Variants in RHBDD3 observed in about 807,000 individuals in gnomAD.
RHBDD3 encodes the protein rhomboid domain containing 3.
RHBDD3 carries 34 observed loss-of-function variants against 32.3 expected under a neutral mutation model. The ratio of observed to expected loss-of-function variants is 1.05; its 90% CI spans 0.80 to 1.40. The LOEUF (loss-of-function observed/expected upper bound fraction) is 1.40, where lower values mean the gene tolerates loss of function less well. RHBDD3 is among the 40% of genes most tolerant of loss of function. RHBDD3 has a pLI of 0.00. For missense variants in RHBDD3, 482 were observed against 492.6 expected (o/e 0.98, Z 0.20); for synonymous variants, 249 against 239.1 (o/e 1.04, Z -0.38).
intron 4 of RHBDD3, 30 bp downstream of exon 4, chr22:29,263,805 C>A: frequency 6.7e-7 from 1 of 1,488,228 alleles, no homozygotes. Context: ...CCACACATCC[C>A]CACGGGCCCT....
rs562106121 is a variant in RHBDD3, at chr22:29,262,602, A to G, written c.532+1233T>C. ...AACAACAAAGACAGCTGAGATTTTG[A>G]TAAGAATTGTGTGGGATCTATAAAT... On this transcript the variant is annotated intron_variant, in intron 4 of 6. Transcript: ENST00000216085. Among the ~76,000 whole-genome samples the G allele has an allele frequency of 4.6e-5, 7 of 152,366 alleles. No homozygotes were observed. The East Asian group carries it at 1.2e-3, about 25-fold the overall frequency.
At position 29,262,872 on chromosome 22, in the gene RHBDD3, A is replaced by G. The variant is rs189824531; in HGVS notation, c.532+963T>C. ...CAGGCGCCTGCCACCACGCCTGGCT[A>G]ATTTTTGTTTTTTGGGGTTTGAGAC... On this transcript the variant is annotated intron_variant, in intron 4 of 6. Transcript: ENST00000216085. 6.0e-5 allele frequency among the ~76,000 whole-genome samples: 9 copies of G among 151,240 alleles called. No homozygotes were observed. The East Asian group carries it at 1.8e-3, about 29-fold the overall frequency.
intron 5 of RHBDD3, 21 bp from the exon 6 acceptor site, chr22:29,260,634 G>A (rs1485065719): frequency 1.9e-6 from 3 of 1,572,072 alleles, no homozygotes; most frequent in Non-Finnish European, 2.6e-6. Flanking sequence ...GGGAAGAGAA[G>A]AGGGCCTGAC....
At chr22:29,261,030 T>A (rs760847359) in intron 4 of RHBDD3, 166 bp from the exon 5 acceptor site, 11 of 730,980 alleles carry the variant, frequency 1.5e-5, no homozygotes, top group Non-Finnish European at 2.2e-5. Flanking sequence ...CAGCAGAGGC[T>A]CAGAAAGGAA....
Position 29,260,779 on chromosome 22 carries a change from C to A in RHBDD3, c.618G>T (p.Ala206=), listed in dbSNP as rs562957768. The part of the protein sequence containing the change: ...LQEGVLCRTL[A]GCWPLRLLAT... ...CAAGGAGCCTCAGGGGCCAGCACCC[C>A]GCCAAGGTCCTGCACAAGACGCCCT... is the stretch of plus-strand genomic sequence containing the variant. Residue 206 remains alanine, a synonymous_variant, in exon 5 of 7, where the codon GCG becomes GCT. Transcript: ENST00000216085. 1 of 1,602,792 alleles carries A rather than the reference C, an allele frequency of 6.2e-7. No homozygotes were observed. Among genetic ancestry groups the A allele is most frequent in the East Asian group, 2.3e-5 (1 of 44,302 alleles).
chr22:29,263,383 T>C (rs1432973556), intron 4 of RHBDD3, among the ~76,000 whole-genome samples: 1 of 152,218 alleles, frequency 6.6e-6, no homozygotes, highest in African/African-American at 2.4e-5. Flanking sequence ...TTCACCATGT[T>C]GGCCAGGCTG....
intron 2 of RHBDD3, among the ~76,000 whole-genome samples, chr22:29,265,880 G>A (rs1416723459): frequency 6.6e-6 from 1 of 152,086 alleles, no homozygotes; most frequent in Admixed American, 6.5e-5. Context: ...AGGACTGGCA[G>A]GGGACAGGCA....
At position 29,260,240 on chromosome 22, in the gene RHBDD3, G is replaced by A. The variant is rs370499073; in HGVS notation, c.984-3C>T. The A allele has an allele frequency of 3.3e-4, 531 of 1,601,670 alleles. No individual in the cohort carries two copies. Among genetic ancestry groups the A allele is most frequent in the Non-Finnish European group, 4.0e-4 (466 of 1,174,964 alleles). On this transcript the variant is annotated splice_polypyrimidine_tract_variant and splice_region_variant and intron_variant, in intron 6 of 6. Coordinates refer to ENST00000216085, the MANE Select transcript of RHBDD3 (RefSeq NM_012265.3). The stretch of plus-strand genomic sequence containing the variant: ...CCATGCGCTCCAGCTGCTGCAGCCT[G>A]TTGGGGGTGGGGGGAGAAGTGGGGA...
chr22:29,265,283 C>T, intron 3 of RHBDD3, 196 bp downstream of exon 3: 2 of 442,608 alleles, frequency 4.5e-6, no homozygotes, highest in Non-Finnish European at 4.0e-6. Context: ...GGTTCCAGCC[C>T]ACCCTAGGGA....
chr22:29,265,708 C>G, intron 2 of RHBDD3, 40 bp from the exon 3 acceptor site: 3 of 1,482,100 alleles, frequency 2.0e-6, no homozygotes, highest in South Asian at 1.4e-5. Context: ...ATTACTGGAG[C>G]TTTTATCTCA....
At position 29,265,380 on chromosome 22, in the gene RHBDD3, T is replaced by C. The variant is rs937928213; in HGVS notation, c.148+99A>G. ...TTCCCGGGACACTGGGCCCCATCCC[T>C]GTTTGACCCCTGGAGGCCTTGTGCT... On this transcript the variant is annotated intron_variant, in intron 3 of 6. Coordinates refer to ENST00000216085, the MANE Select transcript of RHBDD3 (RefSeq NM_012265.3). 4.1e-6 allele frequency: 4 copies of C among 987,170 alleles called. No individual in the cohort carries two copies. The African/African-American group carries it at 5.2e-5, about 13-fold the overall frequency. The allele number at this position is 987,170 out of a possible 1,614,324, so 61.2% of individuals were successfully genotyped here. A position where few individuals can be genotyped will look rare whatever the true frequency, so the allele number is the denominator to read the frequency against.
intron 2 of RHBDD3, 97 bp downstream of exon 2, chr22:29,267,329 G>A (rs2058232962): frequency 1.3e-5 from 2 of 152,736 alleles, no homozygotes; most frequent in Non-Finnish European, 2.9e-5. Context: ...AGGGTGAAGG[G>A]CTTACCCGTG....
chr22:29,260,355 C>T lies in RHBDD3; in HGVS notation c.954G>A (p.Trp318Ter). 6.2e-7 allele frequency: 1 copy of T among 1,611,402 alleles called. No individual in the cohort carries two copies. Among genetic ancestry groups the T allele is most frequent in the Non-Finnish European group, 8.5e-7 (1 of 1,178,990 alleles). Residue 318 changes from tryptophan (W) to a stop codon, truncating the protein, a stop_gained, in exon 6 of 7, where the codon TGG (tryptophan) becomes TGA (stop). Transcript: ENST00000216085. LOFTEE classifies it high-confidence loss of function. ...GPAQEPQSAP[W>*]LSKSSVSSLR... ...GAGAGGAGACAGAGGACTTGGACAGCCATGGTGCGCTCTGGGGTTCCTGGG... is the reference window on the plus strand; with the variant it reads ...GAGAGGAGACAGAGGACTTGGACAGTCATGGTGCGCTCTGGGGTTCCTGGG...
chr22:29,260,036 C>T lies in RHBDD3; in HGVS notation c.*24G>A. ...CCAGCCCTTAGCACCCAAGGGCCTGCCTGTGCCCCACTCTCTGCCTGGGCT... is the reference window on the plus strand; with the variant it reads ...CCAGCCCTTAGCACCCAAGGGCCTGTCTGTGCCCCACTCTCTGCCTGGGCT... On this transcript the variant is annotated 3_prime_UTR_variant, in exon 7 of 7. Coordinates refer to ENST00000216085, the MANE Select transcript of RHBDD3 (RefSeq NM_012265.3). 1 of 1,549,764 alleles carries T rather than the reference C, an allele frequency of 6.5e-7. No individual in the cohort carries two copies. The highest frequency in any genetic ancestry group is 1.2e-5 in the South Asian group (1 of 84,082).
chr22:29,264,480 C>T (rs1033224957), intron 3 of RHBDD3: 6 of 1,279,138 alleles, frequency 4.7e-6, no homozygotes, highest in Middle Eastern at 2.9e-4. Flanking sequence ...CAACCCGCTA[C>T]AGAGCACTCA....
At position 29,267,941 on chromosome 22, in the gene RHBDD3, G is replaced by T; in HGVS notation, c.-388C>A. On this transcript the variant is annotated 5_prime_UTR_variant, in exon 1 of 7. Transcript: ENST00000216085. ...TTAGTCAGCAGTTGTTCTAGTCCGGGTCCCTTCCCCCAGCCCTCCCGCCGA... is the reference window on the plus strand; with the variant it reads ...TTAGTCAGCAGTTGTTCTAGTCCGGTTCCCTTCCCCCAGCCCTCCCGCCGA... The T allele has an allele frequency of 3.3e-6, 1 of 305,662 alleles. No homozygotes were observed. The highest frequency in any genetic ancestry group is 6.3e-6 in the Non-Finnish European group (1 of 158,822). 18.9% of individuals were successfully genotyped at this position (305,662 alleles called of 1,614,324 possible).
chr22:29,264,769 T>TTTTTG (rs772979045), intron 3 of RHBDD3, among the ~76,000 whole-genome samples: 53 of 152,238 alleles, frequency 3.5e-4, no homozygotes, highest in African/African-American at 1.1e-3. Flanking sequence ...CTTAGCTGTT[T>TTTTTG]TTTTGTTTTG....
In RHBDD3 at chr22:29,260,776, C is replaced by G. The variant is rs779114266; in HGVS notation, c.621G>C (p.Gly207=). ...QEGVLCRTLA[G]CWPLRLLATP... is the part of the protein sequence containing the mutation. ...TGGCAAGGAGCCTCAGGGGCCAGCA[C>G]CCCGCCAAGGTCCTGCACAAGACGC... is the stretch of plus-strand genomic sequence containing the variant. The change falls in exon 5 of 7, where the codon GGG becomes GGC. Residue 207 remains glycine, a synonymous_variant. Transcript: ENST00000216085. 3 of 1,605,014 alleles carry G rather than the reference C, an allele frequency of 1.9e-6. No individual in the cohort carries two copies.
At chr22:29,267,030 C>T (rs1041860288) in intron 2 of RHBDD3, among the ~76,000 whole-genome samples, 2 of 152,200 alleles carry the variant, frequency 1.3e-5, no homozygotes, top group African/African-American at 4.8e-5. Flanking sequence ...CATGGCTCCT[C>T]TGATCCAACC....
Sources: gnomAD v4.1 joint callset for allele counts (sites outside exome capture counted in the v4.1 genomes callset) on GRCh38, gnomAD v4.1.1 for gene constraint, MANE v1.5 for transcripts, NCBI Gene and HGNC (gene_info 2026-07-23, HGNC 2026-07-21) for gene names.